The following SYN3 variants were observed in gnomAD, a reference collection of about 807,000 sequenced individuals.
SYN3 encodes synapsin-3.
Under a neutral mutation model 65.8 loss-of-function variants are expected in SYN3, and 35 were observed. That is an observed-to-expected ratio of 0.53 (90% CI 0.41 to 0.70). The LOEUF is 0.70. Among genes scored for constraint, SYN3 ranks in the 30% least tolerant of loss-of-function variants. The pLI is 0.00. For synonymous variants in SYN3, 270 were observed against 292.9 expected, an observed-to-expected ratio of 0.92 and a Z score of 0.80; for missense variants, 680 against 749.0, an observed-to-expected ratio of 0.91 and a Z score of 1.08.
intron 1 of SYN3, among the ~76,000 whole-genome samples, chr22:33,013,649 G>C (rs894806273): frequency 5.3e-5 from 8 of 152,042 alleles, no homozygotes; most frequent in African/African-American, 1.7e-4. Context: ...TCACTATTCT[G>C]TGCAAAAGAT....
chr22:32,821,946 G>A (rs1205897532), intron 6 of SYN3, among the ~76,000 whole-genome samples: 4 of 151,944 alleles, frequency 2.6e-5, no homozygotes, highest in Admixed American at 6.6e-5. Context: ...ACCTGAGGTC[G>A]GGAGTTCGAG....
intron 6 of SYN3, among the ~76,000 whole-genome samples, chr22:32,701,473 T>C (rs1425460583): frequency 1.9e-5 from 2 of 102,802 alleles, no homozygotes; most frequent in African/African-American, 5.2e-5. Flanking sequence ...ATCAAGAAAT[T>C]ATAAGAAGGT....
At chr22:33,052,377 C>T (rs768118817) in intron 1 of SYN3, among the ~76,000 whole-genome samples, 10 of 150,622 alleles carry the variant, frequency 6.6e-5, no homozygotes, top group Non-Finnish European at 1.3e-4. Context: ...GAAATCTCTT[C>T]TCTAAAGAAT....
chr22:32,870,704 T>A (rs2048826347), intron 4 of SYN3, among the ~76,000 whole-genome samples: 1 of 152,220 alleles, frequency 6.6e-6, no homozygotes, highest in African/African-American at 2.4e-5. Context: ...TTTTTTCAAT[T>A]TGACAACAGA....
intron 6 of SYN3, among the ~76,000 whole-genome samples, chr22:32,852,099 G>A (rs1601541594): frequency 6.6e-6 from 1 of 152,194 alleles, no homozygotes; most frequent in East Asian, 1.9e-4. Context: ...TCTTTGCATA[G>A]ATCAGTACTT....
intron 6 of SYN3, among the ~76,000 whole-genome samples, chr22:32,600,008 G>A (rs2059259003): frequency 6.7e-6 from 1 of 148,830 alleles, no homozygotes. Flanking sequence ...TTGTGGAAGA[G>A]AATTTTTACA....
chr22:32,591,530 T>C (rs2059127883), intron 7 of SYN3, among the ~76,000 whole-genome samples: 1 of 152,252 alleles, frequency 6.6e-6, no homozygotes, highest in Admixed American at 6.5e-5. Context: ...TGCAGAGTTT[T>C]CCAAACCTAT....
intron 6 of SYN3, among the ~76,000 whole-genome samples, chr22:32,761,769 T>G (rs2045487761): frequency 6.6e-6 from 1 of 152,222 alleles, no homozygotes; most frequent in Non-Finnish European, 1.5e-5. Flanking sequence ...ACCCAGTGAT[T>G]CAGCGAAACA....
chr22:32,850,191 T>G (rs1488884011), intron 6 of SYN3, among the ~76,000 whole-genome samples: 1 of 151,574 alleles, frequency 6.6e-6, no homozygotes, highest in Non-Finnish European at 1.5e-5. Context: ...GAAGGAGGTA[T>G]GCCCTTAAGA....
At chr22:32,949,750 GA>G (rs1462050512) in intron 3 of SYN3, among the ~76,000 whole-genome samples, 1 of 152,186 alleles carries the variant, frequency 6.6e-6, no homozygotes, top group Non-Finnish European at 1.5e-5. Context: ...TGACAGAATG[GA>G]AAATGGTGAT....
chr22:33,054,657 T>C (rs1196079641), intron 1 of SYN3, among the ~76,000 whole-genome samples: 6 of 152,248 alleles, frequency 3.9e-5, no homozygotes, highest in Non-Finnish European at 4.4e-5. Flanking sequence ...AAGGGAATCA[T>C]ACACTATGTA....
rs920798325 is a variant in SYN3 at position 32,860,881 on chromosome 22, G to A, written c.711+4034C>T. On this transcript the variant is annotated intron_variant, in intron 6 of 13. Coordinates refer to ENST00000358763, the MANE Select transcript of SYN3 (RefSeq NM_003490.4). The stretch of plus-strand genomic sequence containing the variant: ...AATTGTTGGTCACTGGGGAAAGCCT[G>A]AGTTTGCAACCAGTTGTAGGGTTTC... 8 of 150,126 alleles carry A rather than the reference G, an allele frequency of 5.3e-5. No individual in the cohort carries two copies. The highest frequency in any genetic ancestry group is 1.5e-5 in the Non-Finnish European group (1 of 67,728). 9.3% of individuals were successfully genotyped at this position (150,126 alleles called of 1,614,324 possible).
At chr22:32,864,089 C>A (rs959349277) in intron 6 of SYN3, among the ~76,000 whole-genome samples, 1 of 152,144 alleles carries the variant, frequency 6.6e-6, no homozygotes, top group Non-Finnish European at 1.5e-5. Context: ...GACTGTCTAG[C>A]CCAGAAGCCT....
At chr22:32,753,501 G>A (rs1351379625) in intron 6 of SYN3, among the ~76,000 whole-genome samples, 1 of 152,168 alleles carries the variant, frequency 6.6e-6, no homozygotes, top group African/African-American at 2.4e-5. Flanking sequence ...CCCAGCAGGG[G>A]CCTACACCCA....
intron 7 of SYN3, among the ~76,000 whole-genome samples, 188 bp downstream of exon 7, chr22:32,596,486 G>T (rs899274965): frequency 2.6e-5 from 4 of 152,204 alleles, no homozygotes; most frequent in African/African-American, 9.6e-5. Flanking sequence ...CTGGAGAGAT[G>T]TTCTGTGCAC....
At chr22:32,574,829 G>C (rs1394237585) in intron 7 of SYN3, among the ~76,000 whole-genome samples, 2 of 152,188 alleles carry the variant, frequency 1.3e-5, no homozygotes, top group African/African-American at 4.8e-5. Context: ...GCATTACTCT[G>C]TTTTGTGTTT....
At chr22:32,641,657 G>A (rs908602479) in intron 6 of SYN3, among the ~76,000 whole-genome samples, 1 of 151,384 alleles carries the variant, frequency 6.6e-6, no homozygotes, top group African/African-American at 2.4e-5. Flanking sequence ...GGGTGTGGGA[G>A]GAGGGAAGGG....
At chr22:32,920,206 G>C (rs1446554163) in intron 4 of SYN3, among the ~76,000 whole-genome samples, 1 of 152,216 alleles carries the variant, frequency 6.6e-6, no homozygotes, top group Non-Finnish European at 1.5e-5. Flanking sequence ...TGGAAACTGA[G>C]AGCAGAACTT....
Position 33,044,942 on chromosome 22 carries a change from A to T in SYN3, c.-163+13350T>A, listed in dbSNP as rs1281708207. On this transcript the variant is annotated intron_variant, in intron 1 of 13. Transcript: ENST00000358763. ...ACCACAACCTCTGCCTCCCGGGTTCAAGCGACTCTCCTGCCTCCGCCTCCC... is the reference window on the plus strand; with the variant it reads ...ACCACAACCTCTGCCTCCCGGGTTCTAGCGACTCTCCTGCCTCCGCCTCCC... Among the ~76,000 whole-genome samples, 5 of 151,462 alleles carry T rather than the reference A, an allele frequency of 3.3e-5. 1 individual carries two copies. In the East Asian group the frequency reaches 9.8e-4, roughly 30 times the overall value.
Sources: gnomAD v4.1 joint callset for allele counts (sites outside exome capture counted in the v4.1 genomes callset) on GRCh38, gnomAD v4.1.1 for gene constraint, MANE v1.5 for transcripts, NCBI Gene and HGNC (gene_info 2026-07-23, HGNC 2026-07-21) for gene names.